Variants in ERICH1 observed in about 807,000 individuals in gnomAD.
ERICH1 encodes glutamate-rich protein 1.
Under a neutral mutation model 39.6 loss-of-function variants are expected in ERICH1, and 56 were observed. That is an observed-to-expected ratio of 1.41 (90% CI 1.14 to 1.77). The LOEUF is 1.77. Ranked by LOEUF, ERICH1 falls within the 40% of genes most tolerant of loss-of-function variation. The pLI is 0.00. For synonymous variants in ERICH1, 313 were observed against 223.6 expected (o/e 1.40, Z -3.57); for missense variants, 826 against 575.4 (o/e 1.44, Z -4.45).
At chr8:655,293 C>T (rs1040917763) in intron 3 of ERICH1, among the ~76,000 whole-genome samples, 1 of 152,224 alleles carries the variant, frequency 6.6e-6, no homozygotes, top group Non-Finnish European at 1.5e-5. Context: ...CGCTCAGACG[C>T]CCTCATGCCA....
At chr8:724,129 G>A (rs1480088029) in intron 1 of ERICH1, among the ~76,000 whole-genome samples, 1 of 152,290 alleles carries the variant, frequency 6.6e-6, no homozygotes, top group Non-Finnish European at 1.5e-5. Flanking sequence ...CTCACGCCAT[G>A]ACCGATCTGA....
chr8:716,529 A>G (rs140845686), intron 1 of ERICH1, among the ~76,000 whole-genome samples: 128 of 152,368 alleles, frequency 8.4e-4, no homozygotes, highest in Non-Finnish European at 1.6e-3. Context: ...TGAACGTGTC[A>G]ACAACTGCGA....
intron 3 of ERICH1, chr8:625,788 C>T (rs977069506): frequency 6.6e-6 from 1 of 152,150 alleles, no homozygotes; most frequent in Non-Finnish European, 1.5e-5. Flanking sequence ...GACTTGTGTC[C>T]CGCCTCGCCG....
intron 3 of ERICH1, among the ~76,000 whole-genome samples, chr8:630,050 GACA>G (rs1797890795): frequency 1.5e-5 from 1 of 68,250 alleles, no homozygotes; most frequent in African/African-American, 5.2e-5. Flanking sequence ...CACCCACACA[GACA>G]GAGCTGACTC....
intron 3 of ERICH1, among the ~76,000 whole-genome samples, chr8:622,755 C>G (rs889391694): frequency 1.3e-5 from 2 of 152,028 alleles, no homozygotes; most frequent in Non-Finnish European, 1.5e-5. Context: ...GAGTTTCAGA[C>G]CAGCCTTGGC....
At chr8:726,341 CACACAGGCGCACATGCAT>C (rs1232083908) in intron 1 of ERICH1, among the ~76,000 whole-genome samples, 2 of 139,288 alleles carry the variant, frequency 1.4e-5, no homozygotes, top group African/African-American at 2.5e-5. Flanking sequence ...AGGCACACAA[CACACAGGCGCACATGCAT>C]ACACAGGCGC....
rs570532953 is a variant in ERICH1 at position 617,999 on chromosome 8, T to C, written c.977-2715A>G. Among the ~76,000 whole-genome samples, 42 of 146,480 alleles carry C rather than the reference T, an allele frequency of 2.9e-4. No individual in the cohort carries two copies. The South Asian group carries it at 4.6e-3, about 16-fold the overall frequency. On this transcript the variant is annotated intron_variant, in intron 3 of 3. Coordinates refer to the ERICH1 transcript ENST00000522706. ...CAGTCTATCCTCACTGCCCTCTAAGTGGTCAGTACTTGGTGCTTGGTCCAT... is the reference window on the plus strand; with the variant it reads ...CAGTCTATCCTCACTGCCCTCTAAGCGGTCAGTACTTGGTGCTTGGTCCAT...
intron 1 of ERICH1, among the ~76,000 whole-genome samples, 191 bp from the exon 2 acceptor site, chr8:716,198 T>G (rs1024598122): frequency 1.3e-5 from 2 of 152,188 alleles, no homozygotes; most frequent in Non-Finnish European, 2.9e-5. Flanking sequence ...AGAGGAACCC[T>G]TGAGGCTGGC....
At chr8:699,923 G>A (rs1359230747) in intron 2 of ERICH1, among the ~76,000 whole-genome samples, 2 of 118,904 alleles carry the variant, frequency 1.7e-5, no homozygotes, top group Non-Finnish European at 3.4e-5. Context: ...GCACAGGCCC[G>A]CACAGGCGCA....
chr8:689,187 C>CTG (rs1808354759), intron 3 of ERICH1, among the ~76,000 whole-genome samples: 1 of 152,192 alleles, frequency 6.6e-6, no homozygotes, highest in African/African-American at 2.4e-5. Context: ...TCTCGGCTCA[C>CTG]CACGGCCTCC....
chr8:705,670 AG>A (rs34649370), intron 2 of ERICH1, among the ~76,000 whole-genome samples: 49,804 of 151,762 alleles, frequency 0.33, 8,536 homozygotes, highest in East Asian at 0.49. Flanking sequence ...TAGAACTTCT[AG>A]CCAGGGCAAT....
Position 654,270 on chromosome 8 carries a change from A to G in ERICH1, c.976+14328T>C, listed in dbSNP as rs533574630. 1.8e-4 allele frequency among the ~76,000 whole-genome samples: 27 copies of G among 152,344 alleles called. 1 individual carries two copies. In the South Asian group the frequency reaches 5.6e-3, roughly 32 times the overall value. ...TCCTAAGGCAACGTAACCGTTCACA[A>G]ATAAAGGAATAGCTAAGTTAATTGA... is the stretch of plus-strand genomic sequence containing the variant. On this transcript the variant is annotated intron_variant, in intron 3 of 3. Coordinates refer to the ERICH1 transcript ENST00000522706.
intron 2 of ERICH1, among the ~76,000 whole-genome samples, chr8:698,587 T>C (rs1373696611): frequency 1.3e-5 from 2 of 152,122 alleles, no homozygotes; most frequent in Admixed American, 1.3e-4. Context: ...AAGGTGGTCA[T>C]TGAAAAATTA....
chr8:636,876 T>C (rs1005805655), intron 3 of ERICH1, among the ~76,000 whole-genome samples: 1 of 152,212 alleles, frequency 6.6e-6, no homozygotes, highest in Non-Finnish European at 1.5e-5. Context: ...CTTCTGAGCA[T>C]TTCCCAGCCT....
intron 3 of ERICH1, among the ~76,000 whole-genome samples, chr8:685,624 A>C (rs575572557): frequency 2.3e-4 from 35 of 152,182 alleles, no homozygotes; most frequent in Non-Finnish European, 4.3e-4. Flanking sequence ...AATTTGGAGA[A>C]CTAACAAATG....
At chr8:667,527 A>C (rs1802450003) in intron 5 of ERICH1, 1 of 153,088 alleles carries the variant, frequency 6.5e-6, no homozygotes, top group Non-Finnish European at 1.5e-5. Flanking sequence ...CAAGCGCCCC[A>C]GGGTGGGGTC....
intron 3 of ERICH1, among the ~76,000 whole-genome samples, chr8:636,281 G>C (rs1048458421): frequency 1.3e-5 from 2 of 152,240 alleles, no homozygotes; most frequent in Non-Finnish European, 1.5e-5. Context: ...GTGGCCACGT[G>C]GGGTTGCACG....
At chr8:635,950 C>A (rs1359182960) in intron 3 of ERICH1, among the ~76,000 whole-genome samples, 1 of 152,210 alleles carries the variant, frequency 6.6e-6, no homozygotes. Context: ...CCTCATCCTG[C>A]GAGCCGTTCA....
intron 2 of ERICH1, among the ~76,000 whole-genome samples, chr8:699,557 C>A (rs1018089732): frequency 3.9e-5 from 6 of 151,906 alleles, no homozygotes; most frequent in Non-Finnish European, 1.5e-5. Flanking sequence ...CAAAAGCAGG[C>A]GTTCCAGAGA....
Sources: allele counts gnomAD v4.1 joint callset (sites outside exome capture counted in the v4.1 genomes callset), GRCh38; gene constraint gnomAD v4.1.1; transcripts MANE v1.5; gene names NCBI Gene and HGNC (gene_info 2026-07-23, HGNC 2026-07-21).